Variants in ZNF468 observed in about 807,000 individuals in gnomAD.
The protein encoded by ZNF468 is zinc finger protein 468, also known as zinc finger protein ZNF468.
Under a neutral mutation model 7.2 loss-of-function variants are expected in ZNF468, and 8 were observed. That is an observed-to-expected ratio of 1.11 (90% confidence interval 0.65 to 2.01). ZNF468 has a LOEUF of 2.01. Among genes scored for constraint, ZNF468 ranks in the 30% most tolerant of loss-of-function variants. ZNF468 has a pLI of 0.00. For synonymous variants in ZNF468, 218 were observed against 214.4 expected (o/e 1.02, Z -0.15); for missense variants, 608 against 626.5 (o/e 0.97, Z 0.31).
In ZNF468 at chr19:52,840,306, T is replaced by C. The variant is rs756284942; in HGVS notation, c.*419A>G. On this transcript the variant is annotated 3_prime_UTR_variant, in exon 4 of 4. Transcript: ENST00000595646. ...GTGCTTGTAAGGTTTCTCTCCACTA[T>C]GAATTACAAGGTGTGAATTTTGACC... The C allele has an allele frequency of 7.2e-6, 3 of 419,432 alleles. No homozygotes were observed. Among genetic ancestry groups the C allele is most frequent in the Non-Finnish European group, 1.4e-5 (3 of 216,436 alleles). 26.0% of individuals were successfully genotyped at this position (419,432 alleles called of 1,614,324 possible). A position where few individuals can be genotyped will look rare whatever the true frequency, so the allele number is the denominator to read the frequency against.
Position 52,841,042 on chromosome 19 carries a change from T to C in ZNF468, c.1252A>G (p.Lys418Glu), listed in dbSNP as rs1276212439. The change falls in exon 4 of 4, where the codon AAA (lysine) becomes GAA (glutamate). Residue 418 changes from lysine (K) to glutamate (E), a missense_variant. Physicochemically the swap from Lys to Glu is moderately conservative, Grantham distance 56 (BLOSUM62 1). Transcript: ENST00000595646. Reference protein sequence around the residue: ...EKPYKCEECCKVFSRKSNLER... With the variant: ...EKPYKCEECCEVFSRKSNLER... Reference sequence around the variant, plus strand: ...AGGTTTGATTTGCGACTGAAAACTTTGCAACATTCTTCACATTTGTAAGGT... The same window carrying C: ...AGGTTTGATTTGCGACTGAAAACTTCGCAACATTCTTCACATTTGTAAGGT... 1 of 1,612,988 alleles carries C rather than the reference T, an allele frequency of 6.2e-7. No homozygotes were observed. Among genetic ancestry groups the C allele is most frequent in the Non-Finnish European group, 8.5e-7 (1 of 1,179,336 alleles).
chr19:52,850,027 T>A (rs1206077584), intron 2 of ZNF468, among the ~76,000 whole-genome samples: 1 of 151,896 alleles, frequency 6.6e-6, no homozygotes, highest in African/African-American at 2.4e-5. Flanking sequence ...ATACAAAGGG[T>A]TGTCATTTGT....
intron 3 of ZNF468, among the ~76,000 whole-genome samples, chr19:52,845,586 A>T (rs1267091227): frequency 6.6e-6 from 1 of 151,920 alleles, no homozygotes; most frequent in African/African-American, 2.4e-5. Flanking sequence ...TTGAACCCAG[A>T]AGGTGGAGGT....
intron 2 of ZNF468, chr19:52,854,042 C>G (rs772514084): frequency 5.5e-5 from 82 of 1,498,870 alleles, no homozygotes; most frequent in Non-Finnish European, 7.0e-5. Flanking sequence ...GGTGTGAGCC[C>G]TTCCCAGGAC....
intron 3 of ZNF468, among the ~76,000 whole-genome samples, chr19:52,846,083 T>G (rs1469929709): frequency 6.6e-6 from 1 of 152,146 alleles, no homozygotes; most frequent in Non-Finnish European, 1.5e-5. Context: ...ATAACTAAAC[T>G]TTTTTCATAT....
chr19:52,847,631 T>C (rs2063351457), intron 3 of ZNF468, among the ~76,000 whole-genome samples: 1 of 152,276 alleles, frequency 6.6e-6, no homozygotes, highest in East Asian at 1.9e-4. Context: ...AAGCACCCCA[T>C]GGCTGGAGGC....
intron 2 of ZNF468, among the ~76,000 whole-genome samples, chr19:52,853,467 C>A (rs1243657174): frequency 6.6e-6 from 1 of 152,082 alleles, no homozygotes; most frequent in Non-Finnish European, 1.5e-5. Context: ...GGCGGGCAGA[C>A]CACCTGAGGT....
intron 2 of ZNF468, among the ~76,000 whole-genome samples, chr19:52,850,804 C>T (rs892353225): frequency 1.6e-4 from 25 of 151,880 alleles, no homozygotes; most frequent in East Asian, 1.6e-3. Context: ...GAGGCTGAGG[C>T]AGGAGAATGG....
chr19:52,841,266 G>A lies in ZNF468; in HGVS notation c.1028C>T (p.Ala343Val). 1.2e-6 allele frequency: 2 copies of A among 1,612,820 alleles called. No homozygotes were observed. Among genetic ancestry groups the A allele is most frequent in the Non-Finnish European group, 1.7e-6 (2 of 1,179,736 alleles). Reference protein sequence around the residue: ...DEAFAYNSYLAKHTILHTGEK... With the variant: ...DEAFAYNSYLVKHTILHTGEK... ...TCCAGTGTGAAGTATAGTATGTTTT[G>A]CCAGATATGAATTATATGCGAAAGC... Residue 343 changes from alanine to valine, a missense_variant, in exon 4 of 4, where the codon GCA (alanine) becomes GTA (valine). Coordinates refer to ENST00000595646, the MANE Select transcript of ZNF468 (RefSeq NM_001008801.2).
chr19:52,849,148 A>G lies in ZNF468; in HGVS notation c.81T>C (p.Pro27=). The change falls in exon 3 of 4, where the codon CCT becomes CCC. Residue 27 remains proline (P), a synonymous_variant. Transcript: ENST00000595646. ...CGTCCCTGTATAAAGTCCTCTGAGC[A>G]GGGTCCAGGCATTTCCACTCCTCCT... is the stretch of plus-strand genomic sequence containing the variant. The part of the protein sequence containing the change: ...FSQEEWKCLD[P]AQRTLYRDVM... The G allele has an allele frequency of 1.9e-6, 3 of 1,613,998 alleles. No individual in the cohort carries two copies. Among genetic ancestry groups the G allele is most frequent in the Admixed American group, 1.7e-5 (1 of 60,008 alleles).
rs536376293 is a variant in ZNF468, at chr19:52,849,135, A to C, written c.94T>G (p.Leu32Val). Residue 32 changes from leucine (L) to valine (V), a missense_variant, in exon 3 of 4, where the codon TTA becomes GTA. Transcript: ENST00000595646. Reference protein sequence around the residue: ...WKCLDPAQRTLYRDVMLENYR... With the variant: ...WKCLDPAQRTVYRDVMLENYR... ...TTCTCCAGCATCACGTCCCTGTATA[A>C]AGTCCTCTGAGCAGGGTCCAGGCAT... 3 of 1,602,886 alleles carry C rather than the reference A, an allele frequency of 1.9e-6. No individual in the cohort carries two copies. The highest frequency in any genetic ancestry group is 2.7e-5 in the African/African-American group (2 of 74,400).
At chr19:52,854,854 G>T (rs913393643) in intron 1 of ZNF468, among the ~76,000 whole-genome samples, 1 of 151,988 alleles carries the variant, frequency 6.6e-6, no homozygotes, top group Non-Finnish European at 1.5e-5. Context: ...GTGACACCCT[G>T]TCTCTACTAA....
At chr19:52,850,120 G>C (rs771955777) in intron 2 of ZNF468, among the ~76,000 whole-genome samples, 6 of 152,082 alleles carry the variant, frequency 3.9e-5, no homozygotes, top group Non-Finnish European at 8.8e-5. Flanking sequence ...GTGTGCATGT[G>C]TGTGGGGATG....
chr19:52,849,750 A>AAAG (rs1207205327), intron 2 of ZNF468: 9 of 155,566 alleles, frequency 5.8e-5, no homozygotes, highest in African/African-American at 2.2e-4. Flanking sequence ...AAAAAAAAAA[A>AAAG]AAAATTAGCC....
chr19:52,847,641 C>T (rs546402899), intron 3 of ZNF468, among the ~76,000 whole-genome samples: 2 of 152,182 alleles, frequency 1.3e-5, no homozygotes, highest in South Asian at 2.1e-4. Flanking sequence ...TGGCTGGAGG[C>T]GAGATATGCT....
intron 2 of ZNF468, chr19:52,853,939 C>A (rs58476100): frequency 0.063 from 87,127 of 1,389,908 alleles, 2,720 homozygotes; most frequent in East Asian, 0.15. Context: ...CCACAGTGAG[C>A]TGACAGTGCA....
chr19:52,839,624 T>C lies in ZNF468; in HGVS notation c.*1101A>G, dbSNP rs1212092123. ...TTCCACACTGATGACATTTGTAAGA[T>C]TTCTGTCCAGCATGGATTCTCTGAT... On this transcript the variant is annotated 3_prime_UTR_variant, in exon 4 of 4. Transcript: ENST00000595646. 12 of 550,120 alleles carry C rather than the reference T, an allele frequency of 2.2e-5. No homozygotes were observed. Among genetic ancestry groups the C allele is most frequent in the African/African-American group, 1.1e-4 (6 of 52,346 alleles). The allele number at this position is 550,120 out of a possible 1,614,324, so 34.1% of individuals were successfully genotyped here.
rs1032214623 is a variant in ZNF468 at position 52,850,756 on chromosome 19, G to A, written c.16-1543C>T. Among the ~76,000 whole-genome samples the A allele has an allele frequency of 7.3e-3, 1,101 of 151,176 alleles. 7 individuals carry two copies. The highest frequency in any genetic ancestry group is 0.012 in the Non-Finnish European group (839 of 67,654). Reference sequence around the variant, plus strand: ...CTACTAAAAATACAAAAAATTAGCCGGGCGTGGTGGCGGGCGCCTGTAGTC... The same window carrying A: ...CTACTAAAAATACAAAAAATTAGCCAGGCGTGGTGGCGGGCGCCTGTAGTC... On this transcript the variant is annotated intron_variant, in intron 2 of 3. Coordinates refer to ENST00000595646, the MANE Select transcript of ZNF468 (RefSeq NM_001008801.2).
At chr19:52,848,003 A>C (rs1279638159) in intron 3 of ZNF468, among the ~76,000 whole-genome samples, 1 of 152,174 alleles carries the variant, frequency 6.6e-6, no homozygotes, top group East Asian at 1.9e-4. Flanking sequence ...ATCCCACCTG[A>C]CGAGAAATAC....
Sources: gnomAD v4.1 joint callset for allele counts (sites outside exome capture counted in the v4.1 genomes callset) on GRCh38, gnomAD v4.1.1 for gene constraint, MANE v1.5 for transcripts, NCBI Gene and HGNC (gene_info 2026-07-23, HGNC 2026-07-21) for gene names.